STT3B: variants seen among roughly 807,000 people sequenced by gnomAD.
STT3B encodes the protein STT3 oligosaccharyltransferase complex catalytic subunit B.
STT3B carries 29 observed loss-of-function variants against 96.8 expected under a neutral mutation model. That is an observed-to-expected ratio of 0.30 (90% CI 0.22 to 0.41). The LOEUF is 0.41. Among genes scored for constraint, STT3B ranks in the 10% least tolerant of loss-of-function variants. The probability of loss-of-function intolerance (pLI) is 1.00; values close to 1 mark genes in which losing one functional copy is unlikely to be tolerated. For missense variants in STT3B, 640 were observed against 1,022.3 expected (o/e 0.63, Z 5.10); for synonymous variants, 367 against 360.0 (o/e 1.02, Z -0.22).
intron 1 of STT3B, among the ~76,000 whole-genome samples, chr3:31,540,397 G>A (rs1199270640): frequency 1.3e-5 from 2 of 152,154 alleles, no homozygotes; most frequent in Non-Finnish European, 2.9e-5. Flanking sequence ...GTTTATATTA[G>A]TAAAGTGTTA....
At chr3:31,540,956 T>A (rs1575403677) in intron 1 of STT3B, among the ~76,000 whole-genome samples, 1 of 152,216 alleles carries the variant, frequency 6.6e-6, no homozygotes, top group African/African-American at 2.4e-5. Flanking sequence ...GTAACACCTG[T>A]AGACTATACC....
At position 31,584,433 on chromosome 3, in the gene STT3B, A is replaced by G. The variant is rs571801749; in HGVS notation, c.711+4337A>G. ...GGTGCCTTGCATTTTCATAAGTTTT[A>G]AGATTAGCTTGTTCATTACATCTTT... On this transcript the variant is annotated intron_variant, in intron 3 of 15. Transcript: ENST00000295770. Among the ~76,000 whole-genome samples the G allele has an allele frequency of 1.7e-4, 26 of 152,274 alleles. No individual in the cohort carries two copies. The South Asian group carries it at 5.0e-3, about 29-fold the overall frequency.
chr3:31,539,972 T>C (rs758681795), intron 1 of STT3B, among the ~76,000 whole-genome samples: 1 of 152,178 alleles, frequency 6.6e-6, no homozygotes, highest in Non-Finnish European at 1.5e-5. Context: ...CCCCTGTTTC[T>C]ATTTTCTAAG....
In STT3B at chr3:31,602,176, T is replaced by C. The variant is rs914865670; in HGVS notation, c.877+1717T>C. On this transcript the variant is annotated intron_variant, in intron 5 of 15. Coordinates refer to ENST00000295770, the MANE Select transcript of STT3B (RefSeq NM_178862.3). The stretch of plus-strand genomic sequence containing the variant: ...CCATGATGCTAAAAACCACCAAATC[T>C]GTGTGCCTCTCGTTTAAACAAATAA... Among the ~76,000 whole-genome samples, 44 of 152,140 alleles carry C rather than the reference T, an allele frequency of 2.9e-4. 1 individual carries two copies. The highest frequency in any genetic ancestry group is 2.2e-3 in the Admixed American group (34 of 15,262).
intron 9 of STT3B, 119 bp downstream of exon 9, chr3:31,619,949 C>G: frequency 6.6e-7 from 1 of 1,511,424 alleles, no homozygotes; most frequent in Non-Finnish European, 8.8e-7. Flanking sequence ...TAAATTTTCT[C>G]CTTTATTTTG....
At chr3:31,579,757 T>C in intron 2 of STT3B, 52 bp from the exon 3 acceptor site, 1 of 1,397,150 alleles carries the variant, frequency 7.2e-7, no homozygotes. Flanking sequence ...TACATTAATA[T>C]TTTTGTGTCT....
intron 1 of STT3B, among the ~76,000 whole-genome samples, chr3:31,545,748 C>T (rs1697391138): frequency 6.6e-6 from 1 of 151,752 alleles, no homozygotes; most frequent in Admixed American, 6.6e-5. Flanking sequence ...GTCCACCCTG[C>T]AGCCCAGAGC....
At chr3:31,574,109 A>G (rs1698214948) in intron 1 of STT3B, among the ~76,000 whole-genome samples, 1 of 152,148 alleles carries the variant, frequency 6.6e-6, no homozygotes, top group African/African-American at 2.4e-5. Flanking sequence ...GTTTTTTAAA[A>G]TGAAAAATTA....
intron 14 of STT3B, among the ~76,000 whole-genome samples, chr3:31,632,637 C>G (rs545388593): frequency 1.4e-5 from 2 of 146,526 alleles, no homozygotes; most frequent in African/African-American, 5.0e-5. Context: ...ATAAAAAGGG[C>G]TTTGATAGAT....
chr3:31,545,562 C>G (rs988700467), intron 1 of STT3B, among the ~76,000 whole-genome samples: 1 of 152,094 alleles, frequency 6.6e-6, no homozygotes, highest in African/African-American at 2.4e-5. Context: ...TGTGAACCTC[C>G]TAGCCAACCA....
At chr3:31,616,168 A>AG (rs1699302862) in intron 6 of STT3B, among the ~76,000 whole-genome samples, 1 of 151,902 alleles carries the variant, frequency 6.6e-6, no homozygotes, top group South Asian at 2.1e-4. Flanking sequence ...GATTGGACAA[A>AG]GAGAAGTACG....
intron 9 of STT3B, among the ~76,000 whole-genome samples, chr3:31,620,987 C>T (rs1043867764): frequency 1.2e-4 from 18 of 152,310 alleles, no homozygotes; most frequent in African/African-American, 4.1e-4. Flanking sequence ...ACTCAGTAAT[C>T]CCATTCCTAT....
chr3:31,570,068 A>T (rs1410946209), intron 1 of STT3B, among the ~76,000 whole-genome samples: 2 of 152,094 alleles, frequency 1.3e-5, no homozygotes, highest in Admixed American at 6.6e-5. Context: ...TCAGTTTATG[A>T]TTCATCTATA....
chr3:31,544,558 AGATGTTTTTGC>A (rs1420442610), intron 1 of STT3B, among the ~76,000 whole-genome samples: 2 of 152,242 alleles, frequency 1.3e-5, no homozygotes, highest in African/African-American at 4.8e-5. Context: ...TGATCTCACA[AGATGTTTTTGC>A]TTTTAAAAAT....
chr3:31,614,794 T>C (rs1427041892), intron 5 of STT3B, among the ~76,000 whole-genome samples: 1 of 151,884 alleles, frequency 6.6e-6, no homozygotes, highest in African/African-American at 2.4e-5. Flanking sequence ...GCTTCTTGAG[T>C]CGTATGAATG....
intron 5 of STT3B, among the ~76,000 whole-genome samples, chr3:31,614,620 A>C (rs926380039): frequency 1.3e-5 from 2 of 151,968 alleles, no homozygotes; most frequent in Non-Finnish European, 2.9e-5. Context: ...ATAGTACTAT[A>C]CAAAGGTATT....
At chr3:31,560,197 T>C (rs1456244665) in intron 1 of STT3B, among the ~76,000 whole-genome samples, 1 of 152,138 alleles carries the variant, frequency 6.6e-6, no homozygotes, top group Non-Finnish European at 1.5e-5. Context: ...GGATTATTAT[T>C]AATATGTGGG....
At chr3:31,592,136 C>T (rs1002554988) in intron 3 of STT3B, among the ~76,000 whole-genome samples, 10 of 152,136 alleles carry the variant, frequency 6.6e-5, no homozygotes, top group Admixed American at 5.9e-4. Context: ...CCTTCCCCTC[C>T]GCCCCTGGCA....
chr3:31,627,186 A>T (rs1352164606), intron 13 of STT3B, among the ~76,000 whole-genome samples: 1 of 152,148 alleles, frequency 6.6e-6, no homozygotes, highest in African/African-American at 2.4e-5. Flanking sequence ...ACATAGCAGG[A>T]GGTAAGGGGC....
Sources: gnomAD v4.1 joint callset for allele counts (sites outside exome capture counted in the v4.1 genomes callset) on GRCh38, gnomAD v4.1.1 for gene constraint, MANE v1.5 for transcripts, NCBI Gene and HGNC (gene_info 2026-07-23, HGNC 2026-07-21) for gene names.